Variants in RBFOX3 observed in about 807,000 individuals in gnomAD.
The protein encoded by RBFOX3 is RNA binding fox-1 homolog 3.
In RBFOX3, 17 loss-of-function variants were observed where a neutral mutation model predicts 48.7. The ratio of observed to expected loss-of-function variants is 0.35; its 90% CI spans 0.24 to 0.52. The LOEUF is 0.52. RBFOX3 is among the 20% of genes least tolerant of loss of function. The pLI is 0.94. For missense variants in RBFOX3, 382 were observed against 497.5 expected (o/e 0.77, Z 2.21); for synonymous variants, 212 against 209.5 (o/e 1.01, Z -0.10).
chr17:79,270,220 C>G (rs981746413), intron 3 of RBFOX3, among the ~76,000 whole-genome samples: 1 of 152,222 alleles, frequency 6.6e-6, no homozygotes, highest in Admixed American at 6.5e-5. Flanking sequence ...CTGCCAGGGC[C>G]CCCGCCATGG....
chr17:79,437,468 G>A (rs1483426883), intron 2 of RBFOX3, among the ~76,000 whole-genome samples: 3 of 152,218 alleles, frequency 2.0e-5, no homozygotes, highest in Non-Finnish European at 4.4e-5. Context: ...GCCACTCTGT[G>A]ACACCAGCCC....
chr17:79,296,430 C>T (rs1278009124), intron 3 of RBFOX3, among the ~76,000 whole-genome samples: 1 of 152,060 alleles, frequency 6.6e-6, no homozygotes, highest in Non-Finnish European at 1.5e-5. Context: ...CTCTATGGGC[C>T]GACTTTGTTA....
chr17:79,217,787 GTTTT>G (rs571815076), intron 4 of RBFOX3, among the ~76,000 whole-genome samples: 1 of 152,052 alleles, frequency 6.6e-6, no homozygotes, highest in African/African-American at 2.4e-5. Context: ...GAGGCAGGGT[GTTTT>G]TTTAGGTGGA....
At chr17:79,622,894 T>C in the RBFOX3 span, among the ~76,000 whole-genome samples, 2 of 152,182 alleles carry the variant, frequency 1.3e-5, no homozygotes, top group African/African-American at 2.4e-5. Flanking sequence ...TCTGCAAACG[T>C]GGCAGAGCCT....
intron 1 of RBFOX3, among the ~76,000 whole-genome samples, chr17:79,524,161 G>A (rs2086493599): frequency 6.6e-6 from 1 of 152,158 alleles, no homozygotes. Flanking sequence ...AGAGCATTCT[G>A]AAAATAAAAT....
intron 2 of RBFOX3, among the ~76,000 whole-genome samples, chr17:79,446,713 G>A (rs2072378515): frequency 6.6e-6 from 1 of 152,198 alleles, no homozygotes; most frequent in African/African-American, 2.4e-5. Flanking sequence ...GTATAAATCT[G>A]ACTGCAAACC....
intron 1 of RBFOX3, among the ~76,000 whole-genome samples, chr17:79,495,607 GT>G: frequency 1.3e-5 from 1 of 75,514 alleles, no homozygotes; most frequent in African/African-American, 5.2e-5. Context: ...GGTACAGAGG[GT>G]GGGGAGGTGG....
chr17:79,144,161 G>T (rs1345916948), intron 4 of RBFOX3, among the ~76,000 whole-genome samples: 1 of 152,164 alleles, frequency 6.6e-6, no homozygotes, highest in Non-Finnish European at 1.5e-5. Flanking sequence ...GCCAGAGAGG[G>T]GGGCCTGCCT....
At chr17:79,160,311 G>A (rs2046722677) in intron 4 of RBFOX3, among the ~76,000 whole-genome samples, 1 of 152,254 alleles carries the variant, frequency 6.6e-6, no homozygotes, top group Non-Finnish European at 1.5e-5. Flanking sequence ...GGCCATGCAG[G>A]CACTAAGGCA....
intron 3 of RBFOX3, among the ~76,000 whole-genome samples, chr17:79,248,572 T>G (rs2063494910): frequency 6.6e-6 from 1 of 152,240 alleles, no homozygotes; most frequent in African/African-American, 2.4e-5. Context: ...CTAGTTTCCC[T>G]GGGAGGTAAC....
At chr17:79,620,171 ACATGCACACACATGTG>A in the RBFOX3 span, among the ~76,000 whole-genome samples, 250 of 140,072 alleles carry the variant, frequency 1.8e-3, 2 homozygotes, top group Middle Eastern at 0.023. Flanking sequence ...ACATGCACAC[ACATGCACACACATGTG>A]CACATGCACA....
At chr17:79,227,415 T>A (rs1321876371) in intron 4 of RBFOX3, among the ~76,000 whole-genome samples, 2 of 150,408 alleles carry the variant, frequency 1.3e-5, no homozygotes, top group Non-Finnish European at 3.0e-5. Context: ...TAAGAGGGGG[T>A]GAGTATTGTT....
chr17:79,342,194 G>A (rs1476776616), intron 2 of RBFOX3, among the ~76,000 whole-genome samples: 1 of 152,236 alleles, frequency 6.6e-6, no homozygotes, highest in Admixed American at 6.5e-5. Flanking sequence ...TGGGGCCCTT[G>A]TTGGGAAGTT....
the RBFOX3 span, among the ~76,000 whole-genome samples, chr17:79,626,733 A>G: frequency 1.3e-5 from 2 of 152,206 alleles, no homozygotes; most frequent in African/African-American, 4.8e-5. Flanking sequence ...CATGTTTGCA[A>G]TGCGGTGAAT....
At chr17:79,155,074 G>C (rs2045478953) in intron 4 of RBFOX3, among the ~76,000 whole-genome samples, 2 of 152,232 alleles carry the variant, frequency 1.3e-5, no homozygotes, top group Non-Finnish European at 2.9e-5. Flanking sequence ...CGGCCTCCCT[G>C]CCACGGCACG....
At chr17:79,538,867 T>TA (rs562864691) in intron 1 of RBFOX3, among the ~76,000 whole-genome samples, 16 of 152,196 alleles carry the variant, frequency 1.1e-4, no homozygotes, top group Middle Eastern at 3.4e-3. Flanking sequence ...GTATGGCCCA[T>TA]ATGTAAAGAG....
intron 4 of RBFOX3, among the ~76,000 whole-genome samples, chr17:79,192,713 C>T (rs1169934312): frequency 1.3e-5 from 2 of 152,134 alleles, no homozygotes; most frequent in Non-Finnish European, 2.9e-5. Context: ...ACCCTGGAGC[C>T]GCCGTGGCTG....
intron 1 of RBFOX3, among the ~76,000 whole-genome samples, chr17:79,515,103 T>C (rs2085054892): frequency 6.6e-6 from 1 of 152,140 alleles, no homozygotes; most frequent in Admixed American, 6.5e-5. Context: ...CCTGGTAACA[T>C]CTGGCCCCAC....
intron 4 of RBFOX3, among the ~76,000 whole-genome samples, chr17:79,221,592 T>C (rs542063106): frequency 1.8e-4 from 28 of 152,228 alleles, no homozygotes; most frequent in African/African-American, 6.3e-4. Context: ...AACCCAACTG[T>C]GTCCAGCTGT....
Sources: allele counts gnomAD v4.1 joint callset (sites outside exome capture counted in the v4.1 genomes callset), GRCh38; gene constraint gnomAD v4.1.1; transcripts MANE v1.5; gene names NCBI Gene and HGNC (gene_info 2026-07-23, HGNC 2026-07-21).